Variants in FBXO47 observed in about 807,000 individuals in gnomAD.
FBXO47 encodes the protein F-box protein 47, also known as F-box only protein 47.
FBXO47 carries 34 observed loss-of-function variants against 53.9 expected under a neutral mutation model. The observed-to-expected ratio is 0.63, with a 90% CI of 0.48 to 0.84. The LOEUF is 0.84. Ranked by LOEUF, FBXO47 falls within the 40% of genes least tolerant of loss-of-function variation. The pLI, the probability that FBXO47 is intolerant of heterozygous loss-of-function variation, is 0.00. For missense variants in FBXO47, 485 were observed against 541.3 expected (o/e 0.90, Z 1.03); for synonymous variants, 165 against 181.6 (o/e 0.91, Z 0.73).
rs746948282 is a variant in FBXO47, at chr17:38,962,998, T to C, written c.28A>G (p.Thr10Ala). 1.9e-6 allele frequency: 3 copies of C among 1,612,234 alleles called. No individual in the cohort carries two copies. Among genetic ancestry groups the C allele is most frequent in the Non-Finnish European group, 2.5e-6 (3 of 1,178,782 alleles). Reference protein sequence around the residue: MASRINTNFTLIPNQKLRRS... With the variant: MASRINTNFALIPNQKLRRS... ...CTAAGTTTCTGGTTGGGAATCAAAG[T>C]GAAATTTGTATTTATTCTGGATGCC... is the stretch of plus-strand genomic sequence containing the variant. The change falls in exon 2 of 11, where the codon ACT (threonine) becomes GCT (alanine). Residue 10 changes from threonine (T) to alanine (A), a missense_variant. Physicochemically the swap from Thr to Ala is moderately conservative, Grantham distance 58 (BLOSUM62 0). Transcript: ENST00000378079.
chr17:38,947,592 A>T (rs889026208), intron 6 of FBXO47, among the ~76,000 whole-genome samples: 6 of 152,080 alleles, frequency 3.9e-5, no homozygotes, highest in Non-Finnish European at 7.4e-5. Flanking sequence ...ACAAAGCATG[A>T]GTTACCACAC....
intron 6 of FBXO47, among the ~76,000 whole-genome samples, chr17:38,947,357 C>T (rs965135453): frequency 4.6e-5 from 7 of 151,936 alleles, no homozygotes; most frequent in African/African-American, 1.7e-4. Context: ...TGGGGTCTTG[C>T]TCTGTCACCC....
chr17:38,944,341 C>T (rs1446672691), intron 7 of FBXO47, among the ~76,000 whole-genome samples: 1 of 151,386 alleles, frequency 6.6e-6, no homozygotes, highest in Non-Finnish European at 1.5e-5. Context: ...ACCTGGGTAC[C>T]AAAGTGGGAC....
In FBXO47 at chr17:38,937,208, C is replaced by T. The variant is rs1699540183; in HGVS notation, c.1326G>A (p.Leu442=). 1.2e-6 allele frequency: 2 copies of T among 1,600,658 alleles called. No homozygotes were observed. The highest frequency in any genetic ancestry group is 1.7e-5 in the Admixed American group (1 of 59,488). ...ACAGAGGAGTATTCATGGTCAAATA[C>T]AGGACCTCCTTATGGAAGTTAGCCT... is the stretch of plus-strand genomic sequence containing the variant. ...HAQANFHKEV[L]YLTMNTPLST is the part of the protein sequence containing the mutation. The change falls in exon 11 of 11, where the codon CTG becomes CTA. Residue 442 remains leucine, a synonymous_variant. Transcript: ENST00000378079.
chr17:38,943,338 G>A (rs1053957668), intron 8 of FBXO47, among the ~76,000 whole-genome samples: 4 of 152,102 alleles, frequency 2.6e-5, no homozygotes, highest in Admixed American at 2.6e-4. Flanking sequence ...GAGTAATTGA[G>A]CTAATTAAAT....
At chr17:38,963,747 TAA>T (rs919891851) in intron 1 of FBXO47, among the ~76,000 whole-genome samples, 5 of 151,960 alleles carry the variant, frequency 3.3e-5, no homozygotes, top group Admixed American at 3.3e-4. Flanking sequence ...AGCAGTGAAT[TAA>T]AGTCTTTCTT....
At chr17:38,947,766 C>T (rs768238815) in intron 6 of FBXO47, among the ~76,000 whole-genome samples, 3 of 151,898 alleles carry the variant, frequency 2.0e-5, no homozygotes, top group East Asian at 1.9e-4. Flanking sequence ...AAAAATTAGC[C>T]GGGTGTGGTG....
chr17:38,939,454 A>G (rs1904404584), intron 9 of FBXO47, among the ~76,000 whole-genome samples: 1 of 148,678 alleles, frequency 6.7e-6, no homozygotes, highest in Admixed American at 6.7e-5. Context: ...GACAAACCAT[A>G]AAGACATGGC....
At position 38,957,261 on chromosome 17, in the gene FBXO47, A is replaced by G; in HGVS notation, c.353-8T>C. ...ATCTTTTAAACAGTAGACCTAAGAAAGTAAAGAGACATAAGAAAAAATGAC... is the reference window on the plus strand; with the variant it reads ...ATCTTTTAAACAGTAGACCTAAGAAGGTAAAGAGACATAAGAAAAAATGAC... On this transcript the variant is annotated splice_polypyrimidine_tract_variant and splice_region_variant and intron_variant, in intron 3 of 10. Coordinates refer to ENST00000378079, the MANE Select transcript of FBXO47 (RefSeq NM_001008777.3). The G allele has an allele frequency of 6.3e-7, 1 of 1,595,522 alleles. No homozygotes were observed.
chr17:38,962,227 G>C (rs919274360), intron 2 of FBXO47, among the ~76,000 whole-genome samples, 180 bp from the exon 3 acceptor site: 1 of 152,130 alleles, frequency 6.6e-6, no homozygotes, highest in Non-Finnish European at 1.5e-5. Context: ...ATGAATTAGA[G>C]ACATGTTTGG....
chr17:38,959,744 C>T lies in FBXO47; in HGVS notation c.352+2133G>A, dbSNP rs567555847. Among the ~76,000 whole-genome samples the T allele has an allele frequency of 9.2e-5, 14 of 151,914 alleles. No homozygotes were observed. In the South Asian group the frequency reaches 2.9e-3, roughly 32 times the overall value. ...CACTTCAGCCTCAACCTCTGCGGCTCAAGTAACCCTCCCACCTCAGCATCC... is the reference window on the plus strand; with the variant it reads ...CACTTCAGCCTCAACCTCTGCGGCTTAAGTAACCCTCCCACCTCAGCATCC... On this transcript the variant is annotated intron_variant, in intron 3 of 10. Coordinates refer to ENST00000378079, the MANE Select transcript of FBXO47 (RefSeq NM_001008777.3).
chr17:38,962,556 A>C (rs1905863352), intron 2 of FBXO47, among the ~76,000 whole-genome samples: 1 of 151,246 alleles, frequency 6.6e-6, no homozygotes, highest in Admixed American at 6.6e-5. Flanking sequence ...CGGTGAGCCG[A>C]GATTACGCCA....
At chr17:38,960,019 C>A (rs2143961595) in intron 3 of FBXO47, among the ~76,000 whole-genome samples, 1 of 151,738 alleles carries the variant, frequency 6.6e-6, no homozygotes, top group Middle Eastern at 3.5e-3. Context: ...GTTACCCAGG[C>A]TGGTCTTGAA....
intron 2 of FBXO47, 76 bp from the exon 3 acceptor site, chr17:38,962,123 C>T (rs1030213312): frequency 3.8e-5 from 44 of 1,167,524 alleles, no homozygotes; most frequent in Non-Finnish European, 5.1e-5. Context: ...AGTCTATTAA[C>T]TTATAGGTTA....
Position 38,962,962 on chromosome 17 carries a change from G to A in FBXO47, c.64C>T (p.Arg22Cys), listed in dbSNP as rs1048041203. 1 of 1,612,902 alleles carries A rather than the reference G, an allele frequency of 6.2e-7. No homozygotes were observed. Among genetic ancestry groups the A allele is most frequent in the South Asian group, 1.1e-5 (1 of 91,010 alleles). Residue 22 changes from arginine (R) to cysteine (C), a missense_variant, in exon 2 of 11, where the codon CGT becomes TGT. Arg to Cys is a radical substitution (Grantham distance 180). Coordinates refer to ENST00000378079, the MANE Select transcript of FBXO47 (RefSeq NM_001008777.3). ...GTCTTGGAATAACAGCTGGTTTGAC[G>A]ATTACTACGTCTAAGTTTCTGGTTG... ...IPNQKLRRSN[R>C]QTSCYSKTLG...
chr17:38,942,469 C>T (rs1904552437), intron 9 of FBXO47, among the ~76,000 whole-genome samples: 1 of 151,974 alleles, frequency 6.6e-6, no homozygotes, highest in African/African-American at 2.4e-5. Context: ...TGGTGCATGC[C>T]TTTAGTCCCA....
In FBXO47 at chr17:38,956,591, C is replaced by CAAA. The variant is rs1158036745; in HGVS notation, c.429+583_429+585dup. ...TGACAAGAGCGAGACTCTGTCTCAA[C>CAAA]AAAAAAAAAAAAAAAAGAAAAAGTC... On this transcript the variant is annotated intron_variant, in intron 4 of 10. Coordinates refer to ENST00000378079, the MANE Select transcript of FBXO47 (RefSeq NM_001008777.3). Among the ~76,000 whole-genome samples, 172 of 55,956 alleles carry CAAA rather than the reference C, an allele frequency of 3.1e-3. 1 individual carries two copies. Among genetic ancestry groups the CAAA allele is most frequent in the African/African-American group, 4.2e-3 (74 of 17,784 alleles). The allele number at this position is 55,956 out of a possible 152,430, so 36.7% of individuals were successfully genotyped here.
intron 6 of FBXO47, among the ~76,000 whole-genome samples, chr17:38,950,230 A>T (rs1050645425): frequency 3.3e-5 from 5 of 151,760 alleles, no homozygotes; most frequent in African/African-American, 4.8e-5. Flanking sequence ...GTCTCTATGA[A>T]TTTGCCCGTT....
At chr17:38,959,624 T>TTGTGTG (rs34354922) in intron 3 of FBXO47, among the ~76,000 whole-genome samples, 4,132 of 126,180 alleles carry the variant, frequency 0.033, 164 homozygotes, top group African/African-American at 0.096. Flanking sequence ...CTTCAAAGCA[T>TTGTGTG]TGTGTGTGTG....
Sources: allele counts gnomAD v4.1 joint callset (sites outside exome capture counted in the v4.1 genomes callset), GRCh38; gene constraint gnomAD v4.1.1; transcripts MANE v1.5; gene names NCBI Gene and HGNC (gene_info 2026-07-23, HGNC 2026-07-21).